Variants in FAF1 observed in about 807,000 individuals in gnomAD.
The protein encoded by FAF1 is Fas associated factor 1.
In FAF1, 25 loss-of-function variants were observed where a neutral mutation model predicts 92.5. That is an observed-to-expected ratio of 0.27 (90% CI 0.20 to 0.38). The LOEUF (loss-of-function observed/expected upper bound fraction) is 0.38. Ranked by LOEUF, FAF1 falls within the 10% of genes least tolerant of loss-of-function variation. The pLI, the probability that FAF1 is intolerant of heterozygous loss-of-function variation, is 1.00. For missense variants in FAF1, 636 were observed against 793.3 expected (o/e 0.80, Z 2.38); for synonymous variants, 234 against 273.2 (o/e 0.86, Z 1.42).
At position 50,527,811 on chromosome 1, in the gene FAF1, GTCTCTC is replaced by G. The variant is rs9326017; in HGVS notation, c.1494+7552_1494+7557del. Among the ~76,000 whole-genome samples, 351 of 75,292 alleles carry G rather than the reference GTCTCTC, an allele frequency of 4.7e-3. 2 individuals carry two copies. The highest frequency in any genetic ancestry group is 7.1e-3 in the East Asian group (23 of 3,230). 49.4% of individuals were successfully genotyped at this position (75,292 alleles called of 152,430 possible). A position where few individuals can be genotyped will look rare whatever the true frequency, so the allele number is the denominator to read the frequency against. On this transcript the variant is annotated intron_variant, in intron 15 of 18. Coordinates refer to ENST00000396153, the MANE Select transcript of FAF1 (RefSeq NM_007051.3). ...ATTTAACCCAAGAACTTACTCTGCT[GTCTCTC>G]TCTCTCTCTCTCTCTCTCTCTCTCT...
At chr1:50,775,137 A>C (rs1660909041) in intron 4 of FAF1, among the ~76,000 whole-genome samples, 1 of 152,168 alleles carries the variant, frequency 6.6e-6, no homozygotes, top group South Asian at 2.1e-4. Flanking sequence ...GTAACACTGA[A>C]ATGAGTTATA....
chr1:50,674,665 T>C (rs543317052), intron 7 of FAF1, among the ~76,000 whole-genome samples: 1 of 152,302 alleles, frequency 6.6e-6, no homozygotes, highest in East Asian at 1.9e-4. Flanking sequence ...ATTATGACAG[T>C]AATAAGTAAA....
chr1:50,528,409 T>C (rs1181976915), intron 15 of FAF1, among the ~76,000 whole-genome samples: 3 of 152,234 alleles, frequency 2.0e-5, no homozygotes, highest in Non-Finnish European at 4.4e-5. Context: ...TAGGCTTTAC[T>C]TAATAATGAA....
At chr1:50,575,465 A>G (rs1166749784) in intron 12 of FAF1, among the ~76,000 whole-genome samples, 1 of 152,212 alleles carries the variant, frequency 6.6e-6, no homozygotes, top group Non-Finnish European at 1.5e-5. Context: ...TTTTTTAAAA[A>G]TCACATTTAG....
chr1:50,636,636 G>A (rs568488299), intron 8 of FAF1, among the ~76,000 whole-genome samples: 3 of 152,170 alleles, frequency 2.0e-5, no homozygotes, highest in South Asian at 2.1e-4. Flanking sequence ...GATTACAGGC[G>A]TGAGCCACCG....
chr1:50,490,614 G>A lies in FAF1; in HGVS notation c.1627C>T (p.Arg543Cys), dbSNP rs745382768. The A allele has an allele frequency of 1.2e-6, 2 of 1,612,694 alleles. No individual in the cohort carries two copies. The highest frequency in any genetic ancestry group is 1.3e-5 in the African/African-American group (1 of 74,882). ...MAEQFRLEQI[R>C]KEQEEEREAI... ...TCACGTTCCTCTTCTTGTTCTTTGCGAATCTGCTCCAAACGAAACTGTTCT... is the reference window on the plus strand; with the variant it reads ...TCACGTTCCTCTTCTTGTTCTTTGCAAATCTGCTCCAAACGAAACTGTTCT... The change falls in exon 17 of 19, where the codon CGC becomes TGC. Residue 543 changes from arginine (R) to cysteine (C), a missense_variant. This residue lies in a region of FAF1 where 319 missense variants were observed against 451.0 expected (regional missense o/e 0.71). Coordinates refer to ENST00000396153, the MANE Select transcript of FAF1 (RefSeq NM_007051.3).
At chr1:50,897,989 T>A (rs1644769658) in intron 1 of FAF1, among the ~76,000 whole-genome samples, 1 of 152,220 alleles carries the variant, frequency 6.6e-6, no homozygotes, top group African/African-American at 2.4e-5. Flanking sequence ...CAACCAGATC[T>A]GCAACTTGAA....
At chr1:50,621,383 C>CTTTT (rs1055594541) in intron 8 of FAF1, among the ~76,000 whole-genome samples, 4 of 110,732 alleles carry the variant, frequency 3.6e-5, no homozygotes, top group African/African-American at 1.4e-4. Context: ...CCCGATCTTT[C>CTTTT]TTTTTTTCTT....
intron 18 of FAF1, among the ~76,000 whole-genome samples, chr1:50,467,759 T>C (rs977013694): frequency 1.3e-5 from 2 of 152,230 alleles, no homozygotes; most frequent in Non-Finnish European, 2.9e-5. Context: ...ACTATGACAC[T>C]GGGCAAGTTA....
chr1:50,729,829 T>C (rs1254755570), intron 6 of FAF1, among the ~76,000 whole-genome samples: 1 of 151,940 alleles, frequency 6.6e-6, no homozygotes, highest in Non-Finnish European at 1.5e-5. Flanking sequence ...GAGACCATCC[T>C]GGCCAACATG....
chr1:50,499,682 G>A (rs375282531), intron 15 of FAF1, among the ~76,000 whole-genome samples: 5 of 152,204 alleles, frequency 3.3e-5, no homozygotes, highest in Middle Eastern at 3.4e-3. Flanking sequence ...AGTTTAGTAA[G>A]GTTGCAGAAT....
At chr1:50,484,446 C>T (rs893725623) in intron 17 of FAF1, among the ~76,000 whole-genome samples, 2 of 151,900 alleles carry the variant, frequency 1.3e-5, no homozygotes, top group Non-Finnish European at 2.9e-5. Context: ...AGTGGATATA[C>T]ATATATATAT....
In FAF1 at chr1:50,832,302, TTAGC is replaced by T. The variant is rs1185436802; in HGVS notation, c.114+25623_114+25626del. On this transcript the variant is annotated intron_variant, in intron 2 of 18. Transcript: ENST00000396153. Reference sequence around the variant, plus strand: ...TAGAGGACTACTAGCAGAAAAGACATTAGCACCAGCAGCCTCAACAGTTGTTACC... The same window carrying T: ...TAGAGGACTACTAGCAGAAAAGACATACCAGCAGCCTCAACAGTTGTTACC... Among the ~76,000 whole-genome samples, 3 of 152,078 alleles carry T rather than the reference TTAGC, an allele frequency of 2.0e-5. No homozygotes were observed. In the East Asian group the frequency reaches 5.8e-4, roughly 29 times the overall value.
intron 7 of FAF1, among the ~76,000 whole-genome samples, chr1:50,662,311 C>T (rs936268308): frequency 6.6e-6 from 1 of 152,150 alleles, no homozygotes; most frequent in Non-Finnish European, 1.5e-5. Context: ...AAATCTTTTG[C>T]CTCTAAATGA....
chr1:50,934,460 T>C (rs958351617), intron 1 of FAF1, among the ~76,000 whole-genome samples: 3 of 152,186 alleles, frequency 2.0e-5, no homozygotes, highest in African/African-American at 7.2e-5. Flanking sequence ...TGGTGGCTCA[T>C]GCCTATAATT....
intron 3 of FAF1, among the ~76,000 whole-genome samples, chr1:50,792,229 T>C (rs976316227): frequency 6.6e-6 from 1 of 152,190 alleles, no homozygotes; most frequent in Non-Finnish European, 1.5e-5. Context: ...ACAAGATAGC[T>C]ACAAAATTTT....
At chr1:50,898,848 G>T (rs1644775533) in intron 1 of FAF1, among the ~76,000 whole-genome samples, 1 of 152,122 alleles carries the variant, frequency 6.6e-6, no homozygotes, top group Non-Finnish European at 1.5e-5. Flanking sequence ...CATGTTCCCT[G>T]TGTTTGGGGT....
chr1:50,438,829 T>C lies in FAF1; in HGVS notation c.*2611A>G, dbSNP rs1449063722. ...AAAAGGTAGATTCCATAAAAGATGC[T>C]CTCATTCATCTTTGATTCTGGATGC... On this transcript the variant is annotated 3_prime_UTR_variant, in exon 19 of 19. Coordinates refer to ENST00000396153, the MANE Select transcript of FAF1 (RefSeq NM_007051.3). 1 of 152,198 alleles carries C rather than the reference T, an allele frequency of 6.6e-6. No individual in the cohort carries two copies. Among genetic ancestry groups the C allele is most frequent in the East Asian group, 1.9e-4 (1 of 5,200 alleles). 9.4% of individuals were successfully genotyped at this position (152,198 alleles called of 1,614,324 possible).
chr1:50,885,314 A>T lies in FAF1; in HGVS notation c.46-27317T>A, dbSNP rs113536179. On this transcript the variant is annotated intron_variant, in intron 1 of 18. Coordinates refer to ENST00000396153, the MANE Select transcript of FAF1 (RefSeq NM_007051.3). ...GTCTCTTTCTCTCTCTCTCTCTCTCACACACACACACTCTCTCTCTCTCTC... is the reference window on the plus strand; with the variant it reads ...GTCTCTTTCTCTCTCTCTCTCTCTCTCACACACACACTCTCTCTCTCTCTC... Among the ~76,000 whole-genome samples the T allele has an allele frequency of 5.9e-3, 497 of 83,584 alleles. 6 individuals carry two copies. The highest frequency in any genetic ancestry group is 0.025 in the African/African-American group (417 of 16,616). The allele number at this position is 83,584 out of a possible 152,430, so 54.8% of individuals were successfully genotyped here. A position where few individuals can be genotyped will look rare whatever the true frequency, so the allele number is the denominator to read the frequency against.
Sources: allele counts gnomAD v4.1 joint callset (sites outside exome capture counted in the v4.1 genomes callset), GRCh38; gene constraint gnomAD v4.1.1; regional missense constraint gnomAD v4.1.1; transcripts MANE v1.5; gene names NCBI Gene and HGNC (gene_info 2026-07-23, HGNC 2026-07-21).